Variants in DCC observed in about 807,000 individuals in gnomAD.
The protein encoded by DCC is netrin receptor DCC.
Under a neutral mutation model 172.5 loss-of-function variants are expected in DCC, and 58 were observed. The observed-to-expected ratio is 0.34, with a 90% confidence interval of 0.27 to 0.42. DCC has a LOEUF of 0.42. Among genes scored for constraint, DCC ranks in the 10% least tolerant of loss-of-function variants. DCC has a pLI of 1.00. For missense variants in DCC, 1,740 were observed against 1,791.0 expected (o/e 0.97, Z 0.51); for synonymous variants, 709 against 644.5 (o/e 1.10, Z -1.52).
intron 5 of DCC, among the ~76,000 whole-genome samples, chr18:52,967,496 T>C (rs1033967411): frequency 6.6e-6 from 1 of 152,218 alleles, no homozygotes; most frequent in Non-Finnish European, 1.5e-5. Flanking sequence ...TTTATTTCTG[T>C]ATTCTTGGTA....
intron 9 of DCC, among the ~76,000 whole-genome samples, chr18:53,195,337 A>G (rs917802518): frequency 2.6e-5 from 4 of 152,176 alleles, no homozygotes; most frequent in Non-Finnish European, 4.4e-5. Context: ...TGAGACAAGC[A>G]TCTTGAGAAA....
intron 1 of DCC, among the ~76,000 whole-genome samples, chr18:52,700,982 T>C (rs1262301134): frequency 1.3e-5 from 2 of 152,206 alleles, no homozygotes; most frequent in Non-Finnish European, 2.9e-5. Flanking sequence ...ATAACAAACA[T>C]ATTGTCATGG....
intron 2 of DCC, among the ~76,000 whole-genome samples, chr18:52,842,402 A>G (rs545501487): frequency 6.6e-6 from 1 of 152,276 alleles, no homozygotes; most frequent in Non-Finnish European, 1.5e-5. Flanking sequence ...ACATTGAGGT[A>G]GGAGATTGAT....
At chr18:53,465,066 A>C (rs551534812) in intron 24 of DCC, among the ~76,000 whole-genome samples, 1 of 152,070 alleles carries the variant, frequency 6.6e-6, no homozygotes, top group East Asian at 1.9e-4. Flanking sequence ...TGGCAAGAAG[A>C]AGCACATTAG....
chr18:52,641,056 G>C (rs1446932781), intron 1 of DCC, among the ~76,000 whole-genome samples: 2 of 151,910 alleles, frequency 1.3e-5, no homozygotes, highest in Non-Finnish European at 2.9e-5. Context: ...GCCAGAAATT[G>C]AACCAAATAC....
At chr18:52,726,565 G>T (rs528938288) in intron 1 of DCC, among the ~76,000 whole-genome samples, 1 of 152,126 alleles carries the variant, frequency 6.6e-6, no homozygotes, top group African/African-American at 2.4e-5. Context: ...TAGTTATTTG[G>T]AAATATTTTT....
rs745326723 is a variant in DCC at position 52,340,769 on chromosome 18, C to G, written c.-19C>G. ...TGCCGCTGCCCGCGACCCCTGGCCC[C>G]GAAGGTGTTGGCTGAAATATGGAGA... On this transcript the variant is annotated 5_prime_UTR_variant, in exon 1 of 29. Transcript: ENST00000442544. 1.2e-6 allele frequency: 2 copies of G among 1,607,818 alleles called. No individual in the cohort carries two copies.
chr18:53,088,552 G>A (rs1357703601), intron 7 of DCC, among the ~76,000 whole-genome samples: 31 of 152,056 alleles, frequency 2.0e-4, no homozygotes, highest in Admixed American at 2.0e-3. Context: ...TCTGCAAATA[G>A]AGACACTAAA....
intron 1 of DCC, among the ~76,000 whole-genome samples, chr18:52,530,221 A>T (rs1024070657): frequency 7.2e-5 from 11 of 152,192 alleles, no homozygotes; most frequent in Admixed American, 3.3e-4. Flanking sequence ...TCTTCAAGGA[A>T]TGGTACATGT....
rs773284279 is a variant in DCC at position 53,157,462 on chromosome 18, A to G, written c.1368A>G (p.Lys456=). The G allele has an allele frequency of 2.5e-6, 4 of 1,614,036 alleles. No homozygotes were observed. In the African/African-American group the frequency reaches 5.3e-5, roughly 22 times the overall value. ...RLSWRPPAEA[K]GNIQTFTVFF... ...GCTGGCGCCCACCTGCAGAAGCGAA[A>G]GGGAACATTCAAACTTTCACGGTCT... The change falls in exon 8 of 29, where the codon AAA becomes AAG. Residue 456 remains lysine, a synonymous_variant. Transcript: ENST00000442544.
At chr18:53,116,501 T>C (rs534010133) in intron 7 of DCC, among the ~76,000 whole-genome samples, 2 of 151,876 alleles carry the variant, frequency 1.3e-5, no homozygotes, top group South Asian at 2.1e-4. Flanking sequence ...ACTTCAACTT[T>C]AGTTACATGG....
At chr18:53,430,863 CTTCAA>C (rs916276126) in intron 21 of DCC, among the ~76,000 whole-genome samples, 2 of 152,000 alleles carry the variant, frequency 1.3e-5, no homozygotes, top group African/African-American at 4.8e-5. Context: ...CCAATTTTTT[CTTCAA>C]TTCAGAGAAC....
At chr18:52,905,077 C>A (rs1419238925) in intron 2 of DCC, among the ~76,000 whole-genome samples, 1 of 152,094 alleles carries the variant, frequency 6.6e-6, no homozygotes, top group African/African-American at 2.4e-5. Context: ...AACGTCATGG[C>A]AGAGAAGCCT....
intron 9 of DCC, among the ~76,000 whole-genome samples, chr18:53,180,971 T>C (rs1473514008): frequency 6.6e-6 from 1 of 152,184 alleles, no homozygotes; most frequent in East Asian, 1.9e-4. Context: ...CTATGTAAAA[T>C]CAATAACTTT....
chr18:53,370,277 C>G (rs984526986), intron 15 of DCC, among the ~76,000 whole-genome samples: 2 of 151,632 alleles, frequency 1.3e-5, no homozygotes, highest in Non-Finnish European at 3.0e-5. Flanking sequence ...CTTCTTATTT[C>G]TTTAAATCAG....
intron 2 of DCC, among the ~76,000 whole-genome samples, chr18:52,851,976 T>C (rs1169965614): frequency 6.6e-6 from 1 of 152,110 alleles, no homozygotes; most frequent in Non-Finnish European, 1.5e-5. Flanking sequence ...TAGCTTTATA[T>C]ACATGAAACA....
At chr18:52,398,868 G>A (rs1042057709) in intron 1 of DCC, among the ~76,000 whole-genome samples, 4 of 151,702 alleles carry the variant, frequency 2.6e-5, no homozygotes, top group South Asian at 2.1e-4. Context: ...GGTGTATACC[G>A]CTCAGGAGAT....
chr18:52,700,959 T>A lies in DCC; in HGVS notation c.92-51095T>A, dbSNP rs940630260. ...CAATGGGAGTTAATAATTAAACCTG[T>A]ACAAAGCTCTTTATAACAAACATAT... is the stretch of plus-strand genomic sequence containing the variant. On this transcript the variant is annotated intron_variant, in intron 1 of 28. Coordinates refer to ENST00000442544, the MANE Select transcript of DCC (RefSeq NM_005215.4). Among the ~76,000 whole-genome samples the A allele has an allele frequency of 2.0e-5, 3 of 152,210 alleles. No individual in the cohort carries two copies. In the South Asian group the frequency reaches 6.2e-4, roughly 32 times the overall value.
rs185487206 is a variant in DCC at position 53,531,970 on chromosome 18, G to A, written c.*1317G>A. ...TATTGCCATGTTTATCTACAGCTTG[G>A]AACTAGCTAAAATTAAGAACATTTT... On this transcript the variant is annotated 3_prime_UTR_variant, in exon 29 of 29. Transcript: ENST00000442544. 6.6e-6 allele frequency: 1 copy of A among 152,268 alleles called. No individual in the cohort carries two copies. The highest frequency in any genetic ancestry group is 1.9e-4 in the East Asian group (1 of 5,166). The allele number at this position is 152,268 out of a possible 1,614,324, so 9.4% of individuals were successfully genotyped here. A position where few individuals can be genotyped will look rare whatever the true frequency, so the allele number is the denominator to read the frequency against.
Sources: allele counts gnomAD v4.1 joint callset (sites outside exome capture counted in the v4.1 genomes callset), GRCh38; gene constraint gnomAD v4.1.1; transcripts MANE v1.5; gene names NCBI Gene and HGNC (gene_info 2026-07-23, HGNC 2026-07-21).